The following TTC3 variants were observed in gnomAD, a reference collection of about 807,000 sequenced individuals.
The protein encoded by TTC3 is tetratricopeptide repeat domain 3.
In TTC3, 180 loss-of-function variants were observed where a neutral mutation model predicts 249.6. The ratio of observed to expected loss-of-function variants is 0.72; its 90% CI spans 0.64 to 0.82. TTC3 has a LOEUF of 0.82. TTC3 is among the 40% of genes least tolerant of loss of function. TTC3 has a pLI of 0.00. For missense variants in TTC3, 2,061 were observed against 2,398.4 expected (o/e 0.86, Z 2.94); for synonymous variants, 717 against 805.0 (o/e 0.89, Z 1.85).
At chr21:37,103,103 G>A (rs1054627579) in intron 10 of TTC3, among the ~76,000 whole-genome samples, 2 of 152,192 alleles carry the variant, frequency 1.3e-5, no homozygotes, top group East Asian at 1.9e-4. Flanking sequence ...ATCTGGGGAT[G>A]TTAGCCAAGG....
chr21:37,197,080 A>AT (rs1173809278), intron 42 of TTC3, among the ~76,000 whole-genome samples: 3 of 152,204 alleles, frequency 2.0e-5, no homozygotes, highest in African/African-American at 7.2e-5. Context: ...CTCAGGAATG[A>AT]CCTTTGGCAT....
intron 19 of TTC3, among the ~76,000 whole-genome samples, chr21:37,139,912 C>A (rs2078280666): frequency 6.6e-6 from 1 of 152,146 alleles, no homozygotes; most frequent in Admixed American, 6.6e-5. Flanking sequence ...TGGAACTGGC[C>A]TCAAAGCTCC....
At chr21:37,087,275 G>C (rs1227263007) in exon 2 of TTC3, 6 of 1,614,030 alleles carry the variant, frequency 3.7e-6, no homozygotes, top group Non-Finnish European at 5.1e-6. Context: ...ATTTTGCTGA[G>C]GGAGATTTCA....
exon 46 of TTC3, chr21:37,201,912 GCCCCACGTTTGTT>G (rs373691346): frequency 0.02 from 4,280 of 215,668 alleles, 210 homozygotes; most frequent in African/African-American, 0.087. Context: ...ATAGCCAAGC[GCCCCACGTTTGTT>G]CCCCACGTTT....
intron 5 of TTC3, among the ~76,000 whole-genome samples, chr21:37,089,424 G>A (rs575510302): frequency 6.6e-6 from 1 of 152,090 alleles, no homozygotes; most frequent in South Asian, 2.1e-4. Flanking sequence ...TTTAGAAAGG[G>A]CATTCTGATG....
chr21:37,171,342 A>T (rs2081765774), intron 34 of TTC3, among the ~76,000 whole-genome samples: 1 of 152,232 alleles, frequency 6.6e-6, no homozygotes, highest in Non-Finnish European at 1.5e-5. Flanking sequence ...TGGCTTCTCA[A>T]CCAGTGAGAA....
intron 19 of TTC3, among the ~76,000 whole-genome samples, chr21:37,139,328 T>C (rs1035493963): frequency 6.6e-6 from 1 of 152,162 alleles, no homozygotes; most frequent in African/African-American, 2.4e-5. Flanking sequence ...TGTATAGACA[T>C]GAGCTCCCAG....
chr21:37,107,658 C>G (rs1190552786), intron 10 of TTC3: 2 of 152,134 alleles, frequency 1.3e-5, no homozygotes, highest in Non-Finnish European at 2.9e-5. Context: ...TAAATTAGAC[C>G]TAACCTGGGT....
intron 1 of TTC3, chr21:37,083,125 T>C: frequency 1.0e-6 from 1 of 985,298 alleles, no homozygotes; most frequent in South Asian, 4.7e-5. Flanking sequence ...AAAAATCAAC[T>C]TGATGGTAGT....
At chr21:37,144,692 T>C in intron 21 of TTC3, 47 bp downstream of exon 21, 1 of 1,577,360 alleles carries the variant, frequency 6.3e-7, no homozygotes, top group Non-Finnish European at 8.6e-7. Flanking sequence ...AATGCTTATC[T>C]GCATTGACTG....
At chr21:37,196,417 A>G (rs576255419) in intron 42 of TTC3, among the ~76,000 whole-genome samples, 1 of 152,006 alleles carries the variant, frequency 6.6e-6, no homozygotes, top group East Asian at 1.9e-4. Flanking sequence ...TTGTATTTTT[A>G]GTACAGGTGG....
chr21:37,103,379 G>C (rs375355117), intron 10 of TTC3, among the ~76,000 whole-genome samples: 16 of 152,122 alleles, frequency 1.1e-4, no homozygotes, highest in African/African-American at 3.9e-4. Context: ...TTTGCATCTG[G>C]AGTCTTGTCC....
chr21:37,091,705 CCGAGTAGTTGAGA>C (rs2073297456), intron 7 of TTC3: 1 of 157,326 alleles, frequency 6.4e-6, no homozygotes. Context: ...CCTCAGCCTC[CCGAGTAGTTGAGA>C]CTATGGGCGC....
At chr21:37,100,443 C>T (rs2074365889) in intron 10 of TTC3, among the ~76,000 whole-genome samples, 1 of 152,052 alleles carries the variant, frequency 6.6e-6, no homozygotes, top group Admixed American at 6.6e-5. Flanking sequence ...TATTGTAAGG[C>T]CAGTTGCAGA....
At chr21:37,151,695 A>T (rs2079483920) in intron 25 of TTC3, among the ~76,000 whole-genome samples, 198 bp from the exon 26 acceptor site, 1 of 152,166 alleles carries the variant, frequency 6.6e-6, no homozygotes. Flanking sequence ...GACATCACCT[A>T]ATCATTGAGG....
chr21:37,185,708 A>C (rs774537728), exon 37 of TTC3: 9 of 1,543,590 alleles, frequency 5.8e-6, no homozygotes, highest in Non-Finnish European at 7.8e-6. Flanking sequence ...TTTTATAGGT[A>C]TACCCAGAAA....
intron 11 of TTC3, among the ~76,000 whole-genome samples, chr21:37,116,939 G>A (rs559709585): frequency 6.6e-6 from 1 of 152,236 alleles, no homozygotes; most frequent in African/African-American, 2.4e-5. Flanking sequence ...AGTAGAATCA[G>A]AATTTGAAGG....
intron 38 of TTC3, chr21:37,188,276 G>A (rs1265272540): frequency 2.3e-6 from 1 of 443,654 alleles, no homozygotes; most frequent in Non-Finnish European, 4.2e-6. Flanking sequence ...TCTGCAAAAA[G>A]GATCATGGAA....
intron 27 of TTC3, among the ~76,000 whole-genome samples, chr21:37,154,543 T>G (rs1227421143): frequency 1.3e-5 from 2 of 152,178 alleles, no homozygotes; most frequent in African/African-American, 4.8e-5. Context: ...TAGGAGATAC[T>G]CAGGACTGGA....
Sources: gnomAD v4.1 joint callset for allele counts (sites outside exome capture counted in the v4.1 genomes callset) on GRCh38, gnomAD v4.1.1 for gene constraint, MANE v1.5 for transcripts, NCBI Gene and HGNC (gene_info 2026-07-23, HGNC 2026-07-21) for gene names.